Variants in MFAP3L observed in about 807,000 individuals in gnomAD.
MFAP3L encodes the protein microfibrillar-associated protein 3-like.
In MFAP3L, 5 loss-of-function variants were observed where a neutral mutation model predicts 20.0. That is an observed-to-expected ratio of 0.25 (90% CI 0.13 to 0.53). MFAP3L has a LOEUF of 0.53. Among genes scored for constraint, MFAP3L ranks in the 20% least tolerant of loss-of-function variants. The pLI is 0.96. For missense variants in MFAP3L, 409 were observed against 527.5 expected, an observed-to-expected ratio of 0.78 and a Z score of 2.20; for synonymous variants, 219 against 213.0, an observed-to-expected ratio of 1.03 and a Z score of -0.25.
chr4:170,003,904 C>A, intron 2 of MFAP3L: 1 of 948,838 alleles, frequency 1.1e-6, no homozygotes, highest in Non-Finnish European at 1.3e-6. Flanking sequence ...CCAGTGTGGG[C>A]TAGGGGTTGT....
chr4:170,002,242 G>A (rs2110979917), intron 2 of MFAP3L: 1 of 985,316 alleles, frequency 1.0e-6, no homozygotes, highest in Non-Finnish European at 1.2e-6. Context: ...GGATGATGTG[G>A]TGGGGCACAG....
At chr4:170,003,924 C>T (rs1738860928) in intron 2 of MFAP3L, 2 of 815,216 alleles carry the variant, frequency 2.5e-6, no homozygotes, top group Admixed American at 6.2e-5. Flanking sequence ...TGTTCCCTCA[C>T]CTTTCCACTG....
At chr4:170,025,516 G>T (rs952563406) in intron 1 of MFAP3L, among the ~76,000 whole-genome samples, 2 of 152,042 alleles carry the variant, frequency 1.3e-5, no homozygotes, top group African/African-American at 4.8e-5. Context: ...TTGCTACCTT[G>T]CTTTATAAAG....
intron 1 of MFAP3L, among the ~76,000 whole-genome samples, chr4:170,024,753 G>A (rs1036151807): frequency 6.6e-6 from 1 of 152,102 alleles, no homozygotes; most frequent in African/African-American, 2.4e-5. Context: ...CGGTTATGCA[G>A]CATCACAGGA....
At chr4:170,002,437 ATAATTT>A (rs1295593745) in intron 2 of MFAP3L, among the ~76,000 whole-genome samples, 1 of 152,194 alleles carries the variant, frequency 6.6e-6, no homozygotes, top group Non-Finnish European at 1.5e-5. Flanking sequence ...AATGAAAATT[ATAATTT>A]TGTTAGTTTG....
rs1738963491 is a variant in MFAP3L, at chr4:170,005,404, A to G, written c.298+176T>C. ...GTCTTCTGTGTCAATGAGGGAAAAA[A>G]ATGAATTAATTGCTTCTTTGAATCC... On this transcript the variant is annotated intron_variant, in intron 2 of 2. Coordinates refer to ENST00000361618, the MANE Select transcript of MFAP3L (RefSeq NM_021647.8). The G allele has an allele frequency of 4.0e-6, 3 of 755,156 alleles. No homozygotes were observed. The South Asian group carries it at 5.8e-5, about 15-fold the overall frequency. 46.8% of individuals were successfully genotyped at this position (755,156 alleles called of 1,614,324 possible). A position where few individuals can be genotyped will look rare whatever the true frequency, so the allele number is the denominator to read the frequency against.
At chr4:170,027,165 G>A (rs1456332270), upstream of MFAP3L, 1 of 150,528 alleles carries the variant, frequency 6.6e-6, no homozygotes, top group Admixed American at 6.6e-5. Flanking sequence ...AGTACCTACA[G>A]AAGTTTCGCT....
intron 1 of MFAP3L, among the ~76,000 whole-genome samples, chr4:170,009,958 G>C (rs1243077537): frequency 6.6e-6 from 1 of 152,188 alleles, no homozygotes; most frequent in African/African-American, 2.4e-5. Context: ...AATTTGTAGA[G>C]TGATACAACT....
At chr4:170,008,961 T>C (rs1307004399) in intron 1 of MFAP3L, among the ~76,000 whole-genome samples, 1 of 152,198 alleles carries the variant, frequency 6.6e-6, no homozygotes, top group Non-Finnish European at 1.5e-5. Context: ...CAACGGCAAT[T>C]ATTTAAGAAC....
rs1737697249 is a variant in MFAP3L at position 169,991,653 on chromosome 4, C to T, written c.955G>A (p.Val319Met). 1 of 1,614,028 alleles carries T rather than the reference C, an allele frequency of 6.2e-7. No individual in the cohort carries two copies. Among genetic ancestry groups the T allele is most frequent in the Non-Finnish European group, 8.5e-7 (1 of 1,180,044 alleles). ...TTTTTGGACTGCGGGTGAACTGACA[C>T]CTTGATGGCAATTTGCTGAGGTTGC... ...HEQPQQIAIK[V>M]SVHPQSKKEH... The change falls in exon 3 of 3, where the codon GTG becomes ATG. Residue 319 changes from valine to methionine, a missense_variant. Around this residue, in one of 3 missense-constraint regions of MFAP3L, gnomAD observed 169 missense variants for 178.2 expected, o/e 0.95. Transcript: ENST00000361618. This position sits in a 1 kb window ranked among gnomAD's most constrained non-coding sequence, Gnocchi z 4.9.
At chr4:169,997,656 T>G in intron 2 of MFAP3L, 4 of 947,628 alleles carry the variant, frequency 4.2e-6, no homozygotes, top group Non-Finnish European at 3.8e-6. Context: ...GAGTCGCTAG[T>G]GACATTGTTG....
upstream of MFAP3L, chr4:170,026,413 TC>T: frequency 2.2e-6 from 1 of 458,958 alleles, no homozygotes; most frequent in Non-Finnish European, 2.9e-6. Flanking sequence ...GCGCGGAGCT[TC>T]CCACCTACAG....
chr4:169,995,325 A>C (rs918160414), intron 2 of MFAP3L, among the ~76,000 whole-genome samples: 61 of 151,768 alleles, frequency 4.0e-4, no homozygotes, highest in Admixed American at 1.6e-3. Context: ...GTATTCCCCC[A>C]CCCCCTTTTT....
intron 1 of MFAP3L, 26 bp downstream of exon 1, chr4:170,026,208 C>A: frequency 5.1e-6 from 5 of 984,234 alleles, no homozygotes; most frequent in Non-Finnish European, 4.8e-6. Context: ...CCCCTCCGCC[C>A]CGGCCCGCCG....
In MFAP3L at chr4:170,022,782, T is replaced by C. The variant is rs75264756; in HGVS notation, c.-134+3452A>G. Among the ~76,000 whole-genome samples the C allele has an allele frequency of 9.1e-3, 1,378 of 152,154 alleles. 95 individuals are homozygous for C. In the East Asian group the frequency reaches 0.19, roughly 21 times the overall value. On this transcript the variant is annotated intron_variant, in intron 1 of 2. Coordinates refer to ENST00000361618, the MANE Select transcript of MFAP3L (RefSeq NM_021647.8). ...ACGGATGGGGCTACAAAACAAGGAA[T>C]GGGGGTGGCCTCTAGAAGGTGGCAA...
At chr4:169,996,005 G>GCCCCCCC (rs1738130702) in intron 2 of MFAP3L, among the ~76,000 whole-genome samples, 1 of 51,332 alleles carries the variant, frequency 1.9e-5, no homozygotes, top group African/African-American at 7.2e-5. Context: ...CTGTAGCCCC[G>GCCCCCCC]CCACCCCCCA....
chr4:169,991,624 CTCT>C lies in MFAP3L; in HGVS notation c.981_983del (p.Glu328del), dbSNP rs777424791. 14 of 1,614,064 alleles carry C rather than the reference CTCT, an allele frequency of 8.7e-6. No homozygotes were observed. The highest frequency in any genetic ancestry group is 1.1e-5 in the Non-Finnish European group (13 of 1,180,042). ...GTCCACCCTCTTGGTCATCTGCATG[CTCT>C]TTTTTGGACTGCGGGTGAACTGACA... On this transcript the variant is annotated inframe_deletion, in exon 3 of 3. Transcript: ENST00000361618. This position sits in a 1 kb window ranked among gnomAD's most constrained non-coding sequence, Gnocchi z 4.9.
intron 2 of MFAP3L, among the ~76,000 whole-genome samples, chr4:169,996,566 C>G (rs1174040675): frequency 1.3e-5 from 2 of 151,958 alleles, no homozygotes; most frequent in Non-Finnish European, 2.9e-5. Flanking sequence ...AAGCCAGATC[C>G]GCTGGCACAG....
intron 2 of MFAP3L, among the ~76,000 whole-genome samples, chr4:170,000,226 G>C (rs1044889977): frequency 6.6e-6 from 1 of 152,206 alleles, no homozygotes; most frequent in Non-Finnish European, 1.5e-5. Flanking sequence ...CTGATGAGAA[G>C]AGAATCCCAA....
Sources: allele counts gnomAD v4.1 joint callset (sites outside exome capture counted in the v4.1 genomes callset), GRCh38; gene constraint gnomAD v4.1.1; regional missense constraint gnomAD v4.1.1; non-coding constraint Gnocchi (gnomAD v3.1); transcripts MANE v1.5; gene names NCBI Gene and HGNC (gene_info 2026-07-23, HGNC 2026-07-21).